Variants in EYS observed in about 807,000 individuals in gnomAD.
EYS encodes the protein EGF-like photoreceptor maintenance factor.
In EYS, 250 loss-of-function variants were observed where a neutral mutation model predicts 282.1. The ratio of observed to expected loss-of-function variants is 0.89; its 90% CI spans 0.80 to 0.98. The LOEUF (loss-of-function observed/expected upper bound fraction) is 0.98. EYS is among the 50% of genes least tolerant of loss of function. The probability of loss-of-function intolerance (pLI) is 0.00; values close to 1 mark genes in which losing one functional copy is unlikely to be tolerated. For synonymous variants in EYS, 1,355 were observed against 1,282.9 expected (o/e 1.06, Z -1.20); for missense variants, 4,016 against 3,709.0 (o/e 1.08, Z -2.15).
chr6:64,532,570 G>T (rs569184415), intron 26 of EYS, among the ~76,000 whole-genome samples: 4 of 152,024 alleles, frequency 2.6e-5, no homozygotes, highest in Non-Finnish European at 4.4e-5. Flanking sequence ...TTAGCTGGGC[G>T]TGGTGGCAGG....
intron 31 of EYS, among the ~76,000 whole-genome samples, chr6:64,213,204 T>C (rs1022220889): frequency 9.9e-5 from 15 of 152,152 alleles, no homozygotes; most frequent in Admixed American, 9.8e-4. Flanking sequence ...AACCTGCACA[T>C]GTACCCCTGA....
At chr6:63,844,078 T>A (rs1043336676) in intron 36 of EYS, among the ~76,000 whole-genome samples, 3 of 152,156 alleles carry the variant, frequency 2.0e-5, no homozygotes, top group Non-Finnish European at 4.4e-5. Context: ...GTCATTCAGT[T>A]CCCACTTGTA....
At chr6:63,876,391 A>T (rs554290622) in intron 35 of EYS, among the ~76,000 whole-genome samples, 1 of 152,316 alleles carries the variant, frequency 6.6e-6, no homozygotes, top group Non-Finnish European at 1.5e-5. Flanking sequence ...TTTACTTCCA[A>T]CTATGTGGTC....
chr6:64,976,372 A>T (rs1021139123), intron 14 of EYS, among the ~76,000 whole-genome samples: 1 of 140,600 alleles, frequency 7.1e-6, no homozygotes. Context: ...GGCTGCTATT[A>T]AAAAAAAAAA....
intron 15 of EYS, among the ~76,000 whole-genome samples, chr6:64,939,539 G>T (rs989411751): frequency 6.6e-6 from 1 of 151,784 alleles, no homozygotes; most frequent in Non-Finnish European, 1.5e-5. Flanking sequence ...TATCAAATGC[G>T]ATACTTTTAT....
chr6:65,321,790 C>T (rs114732134), intron 11 of EYS, among the ~76,000 whole-genome samples: 1,847 of 152,268 alleles, frequency 0.012, 37 homozygotes, highest in African/African-American at 0.042. Flanking sequence ...GGGGCCTGGC[C>T]ATTGCCTCAA....
intron 35 of EYS, among the ~76,000 whole-genome samples, chr6:63,925,827 G>T (rs1432230273): frequency 6.6e-6 from 1 of 152,150 alleles, no homozygotes; most frequent in Non-Finnish European, 1.5e-5. Flanking sequence ...TGTAGTTTTA[G>T]TAGAGACGGG....
chr6:65,425,837 T>C (rs575838448), intron 5 of EYS, among the ~76,000 whole-genome samples: 2 of 152,254 alleles, frequency 1.3e-5, no homozygotes, highest in Non-Finnish European at 2.9e-5. Context: ...TATGGCTTTA[T>C]GATGACGAAT....
At chr6:65,598,421 C>T (rs1375904995) in intron 2 of EYS, among the ~76,000 whole-genome samples, 2 of 151,802 alleles carry the variant, frequency 1.3e-5, no homozygotes, top group Non-Finnish European at 2.9e-5. Context: ...TGATTTTTAA[C>T]CAATATTTAT....
intron 9 of EYS, among the ~76,000 whole-genome samples, chr6:65,352,618 A>G (rs1193313405): frequency 2.0e-5 from 3 of 151,832 alleles, no homozygotes; most frequent in Non-Finnish European, 4.4e-5. Flanking sequence ...ATCACTTGCT[A>G]TTTCCAATTC....
chr6:64,119,674 G>A (rs962856694), intron 31 of EYS, among the ~76,000 whole-genome samples: 2 of 152,132 alleles, frequency 1.3e-5, no homozygotes, highest in African/African-American at 4.8e-5. Context: ...ACTTAATATA[G>A]CTAAGGATAT....
At chr6:64,141,479 A>G (rs994988823) in intron 31 of EYS, among the ~76,000 whole-genome samples, 9 of 152,198 alleles carry the variant, frequency 5.9e-5, no homozygotes, top group Non-Finnish European at 1.2e-4. Flanking sequence ...TGTCAGAACA[A>G]AAGTGTTAAT....
chr6:65,357,414 A>G (rs1764528974), intron 8 of EYS, among the ~76,000 whole-genome samples: 1 of 151,928 alleles, frequency 6.6e-6, no homozygotes, highest in African/African-American at 2.4e-5. Flanking sequence ...TTAAGCTTCA[A>G]GTGATGCAAT....
intron 31 of EYS, among the ~76,000 whole-genome samples, chr6:64,176,366 A>G (rs1349441116): frequency 3.3e-5 from 5 of 152,178 alleles, no homozygotes; most frequent in Admixed American, 2.6e-4. Context: ...GAAAGGCCAG[A>G]AAAAAGGCAA....
At chr6:65,586,900 A>C (rs997351209) in intron 2 of EYS, among the ~76,000 whole-genome samples, 3 of 152,090 alleles carry the variant, frequency 2.0e-5, no homozygotes, top group Non-Finnish European at 2.9e-5. Context: ...TAGTAATTTC[A>C]GTACGATTTT....
chr6:64,833,361 T>C (rs1234101535), intron 19 of EYS, among the ~76,000 whole-genome samples: 2 of 151,832 alleles, frequency 1.3e-5, no homozygotes, highest in Non-Finnish European at 2.9e-5. Flanking sequence ...CAATTTTGCT[T>C]CAGATAAACA....
chr6:64,137,679 C>G (rs1266309657), intron 31 of EYS, among the ~76,000 whole-genome samples: 3 of 152,072 alleles, frequency 2.0e-5, no homozygotes, highest in African/African-American at 7.2e-5. Flanking sequence ...AGAACACTCA[C>G]AATATGTATC....
At chr6:64,664,503 G>A (rs972962281) in intron 22 of EYS, among the ~76,000 whole-genome samples, 3 of 152,056 alleles carry the variant, frequency 2.0e-5, no homozygotes, top group Admixed American at 6.6e-5. Context: ...AGGGGAAGTG[G>A]GATATTTGGC....
chr6:64,268,365 T>C (rs1767828670), intron 30 of EYS, among the ~76,000 whole-genome samples: 1 of 152,086 alleles, frequency 6.6e-6, no homozygotes, highest in African/African-American at 2.4e-5. Context: ...AGAAATAATT[T>C]TGGGGAATAG....
Sources: gnomAD v4.1 joint callset for allele counts (sites outside exome capture counted in the v4.1 genomes callset) on GRCh38, gnomAD v4.1.1 for gene constraint, MANE v1.5 for transcripts, NCBI Gene and HGNC (gene_info 2026-07-23, HGNC 2026-07-21) for gene names.